RHOQ: variants seen among roughly 807,000 people sequenced by gnomAD.
The protein encoded by RHOQ is ras homolog family member Q.
In RHOQ, 7 loss-of-function variants were observed where a neutral mutation model predicts 25.8. The ratio of observed to expected loss-of-function variants is 0.27; its 90% CI spans 0.15 to 0.51. RHOQ has a LOEUF of 0.51. Among genes scored for constraint, RHOQ ranks in the 20% least tolerant of loss-of-function variants. RHOQ has a pLI of 0.97. For synonymous variants in RHOQ, 97 were observed against 98.6 expected (o/e 0.98, Z 0.10); for missense variants, 165 against 260.6 (o/e 0.63, Z 2.53).
At chr2:46,544,214 T>G (rs1461898913) in intron 2 of RHOQ, among the ~76,000 whole-genome samples, 1 of 152,136 alleles carries the variant, frequency 6.6e-6, no homozygotes, top group African/African-American at 2.4e-5. Context: ...CCAAGGAGCC[T>G]GATTGGTGGG....
chr2:46,576,325 A>G lies in RHOQ; in HGVS notation c.366+74A>G. On this transcript the variant is annotated intron_variant, in intron 3 of 4. Coordinates refer to ENST00000238738, the MANE Select transcript of RHOQ (RefSeq NM_012249.4). The surrounding 1 kb of genome is among the most constrained non-coding windows in gnomAD (Gnocchi z 5.1). ...TCGTAGAGGCTGCTCTCAGACAAACAGTCCCAAAGCTGAGCAAATGATGTA... is the reference window on the plus strand; with the variant it reads ...TCGTAGAGGCTGCTCTCAGACAAACGGTCCCAAAGCTGAGCAAATGATGTA... 7.8e-7 allele frequency: 1 copy of G among 1,287,102 alleles called. No homozygotes were observed. The highest frequency in any genetic ancestry group is 1.1e-6 in the Non-Finnish European group (1 of 915,630). The allele number at this position is 1,287,102 out of a possible 1,614,324, so 79.7% of individuals were successfully genotyped here.
chr2:46,582,166 A>G lies in RHOQ; in HGVS notation c.*1083A>G, dbSNP rs1669410590. ...ACACACCTAGAATGTAAGTTAAACA[A>G]AATACCGGCTTCCAGAGACCCCTTT... On this transcript the variant is annotated 3_prime_UTR_variant, in exon 5 of 5. Transcript: ENST00000238738. The G allele has an allele frequency of 6.6e-6, 1 of 152,304 alleles. No homozygotes were observed. Among genetic ancestry groups the G allele is most frequent in the Non-Finnish European group, 1.5e-5 (1 of 68,130 alleles). 9.4% of individuals were successfully genotyped at this position (152,304 alleles called of 1,614,324 possible). A position where few individuals can be genotyped will look rare whatever the true frequency, so the allele number is the denominator to read the frequency against.
At position 46,562,367 on chromosome 2, in the gene RHOQ, T is replaced by G. The variant is rs576479236; in HGVS notation, c.202-13720T>G. Among the ~76,000 whole-genome samples the G allele has an allele frequency of 4.9e-4, 75 of 152,338 alleles. 1 individual carries two copies. The highest frequency in any genetic ancestry group is 1.7e-3 in the African/African-American group (72 of 41,576). ...AGAATACACAAAAGAGAATAGATAC[T>G]TGAAACCACTGGAATGACAGTTTAT... On this transcript the variant is annotated intron_variant, in intron 2 of 4. Transcript: ENST00000238738.
Position 46,543,016 on chromosome 2 carries a change from G to A in RHOQ, c.-31G>A, listed in dbSNP as rs375721879. 2,504 of 1,525,216 alleles carry A rather than the reference G, an allele frequency of 1.6e-3. 44 individuals carry two copies. The African/African-American group carries it at 0.032, about 19-fold the overall frequency. The allele number at this position is 1,525,216 out of a possible 1,614,324, so 94.5% of individuals were successfully genotyped here. A position where few individuals can be genotyped will look rare whatever the true frequency, so the allele number is the denominator to read the frequency against. ...CGGGGCCGGGGCGGGGGCTCCGGGGGGACCATGCCCGGAGGCCGGCCGGCA... is the reference window on the plus strand; with the variant it reads ...CGGGGCCGGGGCGGGGGCTCCGGGGAGACCATGCCCGGAGGCCGGCCGGCA... On this transcript the variant is annotated 5_prime_UTR_variant, in exon 1 of 5. Transcript: ENST00000238738.
chr2:46,554,054 A>G (rs1184082609), intron 2 of RHOQ, among the ~76,000 whole-genome samples: 1 of 151,212 alleles, frequency 6.6e-6, no homozygotes, highest in African/African-American at 2.4e-5. Context: ...TTGCTGGCTT[A>G]TTTTACTTAA....
At position 46,574,209 on chromosome 2, in the gene RHOQ, A is replaced by G. The variant is rs185180380; in HGVS notation, c.202-1878A>G. On this transcript the variant is annotated intron_variant, in intron 2 of 4. Coordinates refer to ENST00000238738, the MANE Select transcript of RHOQ (RefSeq NM_012249.4). ...TATCCCCATTCCTATTTCTGTGAAA[A>G]TTGGAAATCTAAATATGGATGAGGA... Among the ~76,000 whole-genome samples, 743 of 152,356 alleles carry G rather than the reference A, an allele frequency of 4.9e-3. 1 individual carries two copies. The highest frequency in any genetic ancestry group is 0.017 in the African/African-American group (717 of 41,578).
At chr2:46,565,783 C>G (rs916616962) in intron 2 of RHOQ, among the ~76,000 whole-genome samples, 1 of 152,218 alleles carries the variant, frequency 6.6e-6, no homozygotes, top group Non-Finnish European at 1.5e-5. Flanking sequence ...CGACCATGAG[C>G]CAGGCCTTGA....
At position 46,552,700 on chromosome 2, in the gene RHOQ, A is replaced by C. The variant is rs1313110244; in HGVS notation, c.201+8888A>C. Among the ~76,000 whole-genome samples the C allele has an allele frequency of 6.6e-6, 1 of 152,218 alleles. No homozygotes were observed. The highest frequency in any genetic ancestry group is 1.5e-5 in the Non-Finnish European group (1 of 68,038). On this transcript the variant is annotated intron_variant, in intron 2 of 4. Coordinates refer to ENST00000238738, the MANE Select transcript of RHOQ (RefSeq NM_012249.4). This position sits in a 1 kb window ranked among gnomAD's most constrained non-coding sequence, Gnocchi z 5.0. ...CAAGCCTAGAAGAGAACATTCATCC[A>C]GTCAGTCAACATACATTTCCTGAGC...
At chr2:46,578,633 G>A (rs572911041) in intron 4 of RHOQ, among the ~76,000 whole-genome samples, 1 of 137,676 alleles carries the variant, frequency 7.3e-6, no homozygotes, top group African/African-American at 2.7e-5. Flanking sequence ...GTGCATACCT[G>A]TAGTCCCAGC....
intron 2 of RHOQ, among the ~76,000 whole-genome samples, chr2:46,572,112 T>TTTG (rs1668940691): frequency 7.7e-6 from 1 of 129,912 alleles, no homozygotes; most frequent in African/African-American, 3.2e-5. Flanking sequence ...TGTGTGTTTT[T>TTTG]TTTTTTTTTT....
At chr2:46,578,569 C>CAAAAAAAAAAAAAAAAAAAAAAAAAAAA (rs755333304) in intron 4 of RHOQ, among the ~76,000 whole-genome samples, 1 of 24,068 alleles carries the variant, frequency 4.2e-5, no homozygotes. Context: ...CCATCTCTAC[C>CAAAAAAAAAAAAAAAAAAAAAAAAAAAA]AAAAAAAAAA....
At chr2:46,549,396 C>T (rs903832322) in intron 2 of RHOQ, among the ~76,000 whole-genome samples, 1 of 152,042 alleles carries the variant, frequency 6.6e-6, no homozygotes, top group Non-Finnish European at 1.5e-5. Flanking sequence ...TTTGGGGTTT[C>T]AAGAGATTAG....
At position 46,558,484 on chromosome 2, in the gene RHOQ, A is replaced by C. The variant is rs530986140; in HGVS notation, c.201+14672A>C. ...TTAAGGCATTGTCCCATTGTCTTTCAGCTTCTATTTAAGTTGTTTAGAAGT... is the reference window on the plus strand; with the variant it reads ...TTAAGGCATTGTCCCATTGTCTTTCCGCTTCTATTTAAGTTGTTTAGAAGT... On this transcript the variant is annotated intron_variant, in intron 2 of 4. Coordinates refer to ENST00000238738, the MANE Select transcript of RHOQ (RefSeq NM_012249.4). Among the ~76,000 whole-genome samples, 13 of 152,274 alleles carry C rather than the reference A, an allele frequency of 8.5e-5. No homozygotes were observed. The South Asian group carries it at 2.7e-3, about 32-fold the overall frequency.
In RHOQ at chr2:46,552,317, A is replaced by T; in HGVS notation, c.201+8505A>T. 6.6e-6 allele frequency among the ~76,000 whole-genome samples: 1 copy of T among 152,148 alleles called. No individual in the cohort carries two copies. Among genetic ancestry groups the T allele is most frequent in the East Asian group, 1.9e-4 (1 of 5,178 alleles). On this transcript the variant is annotated intron_variant, in intron 2 of 4. Coordinates refer to ENST00000238738, the MANE Select transcript of RHOQ (RefSeq NM_012249.4). The surrounding 1 kb of genome is among the most constrained non-coding windows in gnomAD (Gnocchi z 5.0). ...GGCCCCATTGCTCAAGTACGTGTGG[A>T]AGAAGCTCATGCCATTTGCCTAAAG... is the stretch of plus-strand genomic sequence containing the variant.
In RHOQ at chr2:46,542,670, C is replaced by A. The variant is rs1667852014; in HGVS notation, c.-377C>A. ...CCGGGTTGGCGCGGGGCGGGGAGAG[C>A]CGCCTGGCCCCTCCCCTCCGCCGCC... On this transcript the variant is annotated 5_prime_UTR_variant, in exon 1 of 5. Transcript: ENST00000238738. 6.8e-6 allele frequency: 1 copy of A among 146,636 alleles called. No individual in the cohort carries two copies. The highest frequency in any genetic ancestry group is 2.4e-5 in the African/African-American group (1 of 40,928). 9.1% of individuals were successfully genotyped at this position (146,636 alleles called of 1,614,324 possible).
intron 2 of RHOQ, among the ~76,000 whole-genome samples, chr2:46,559,249 G>A (rs960572938): frequency 1.3e-5 from 2 of 152,104 alleles, no homozygotes; most frequent in African/African-American, 2.4e-5. Flanking sequence ...ACCTGCCTCG[G>A]CCTCTCAAAG....
chr2:46,572,116 T>TTTTG (rs1553422157), intron 2 of RHOQ, among the ~76,000 whole-genome samples: 2 of 134,784 alleles, frequency 1.5e-5, no homozygotes, highest in South Asian at 5.0e-4. Context: ...TGTTTTTTTT[T>TTTTG]TTTTTTTTTT....
intron 2 of RHOQ, among the ~76,000 whole-genome samples, chr2:46,546,439 T>TATACAC (rs1668045939): frequency 8.8e-6 from 1 of 113,966 alleles, no homozygotes; most frequent in Non-Finnish European, 1.8e-5. Flanking sequence ...TATGTATCCG[T>TATACAC]ATACACATAT....
At chr2:46,562,634 C>T (rs1414132981) in intron 2 of RHOQ, among the ~76,000 whole-genome samples, 1 of 152,200 alleles carries the variant, frequency 6.6e-6, no homozygotes, top group Non-Finnish European at 1.5e-5. Context: ...CTGAAACCTG[C>T]CTGCTGTGTG....
Sources: gnomAD v4.1 joint callset for allele counts (sites outside exome capture counted in the v4.1 genomes callset) on GRCh38, gnomAD v4.1.1 for gene constraint, Gnocchi (gnomAD v3.1) non-coding constraint, MANE v1.5 for transcripts, NCBI Gene and HGNC (gene_info 2026-07-23, HGNC 2026-07-21) for gene names.